ADAMTS17: variants seen among roughly 807,000 people sequenced by gnomAD.
The protein encoded by ADAMTS17 is A disintegrin and metalloproteinase with thrombospondin motifs 17.
In ADAMTS17, 113 loss-of-function variants were observed where a neutral mutation model predicts 141.5. That is an observed-to-expected ratio of 0.80 (90% CI 0.69 to 0.93). The LOEUF is 0.93. Among genes scored for constraint, ADAMTS17 ranks in the 40% least tolerant of loss-of-function variants. The probability of loss-of-function intolerance (pLI) is 0.00; values close to 1 mark genes in which losing one functional copy is unlikely to be tolerated. For missense variants in ADAMTS17, 1,659 were observed against 1,517.9 expected, an observed-to-expected ratio of 1.09 and a Z score of -1.54; for synonymous variants, 768 against 630.6, an observed-to-expected ratio of 1.22 and a Z score of -3.27.
At chr15:100,035,058 A>G (rs924092047) in intron 18 of ADAMTS17, among the ~76,000 whole-genome samples, 1 of 152,202 alleles carries the variant, frequency 6.6e-6, no homozygotes, top group Non-Finnish European at 1.5e-5. Context: ...GTCATACTCC[A>G]TGGGGAAAAC....
chr15:100,086,606 C>A (rs113918134), intron 15 of ADAMTS17, among the ~76,000 whole-genome samples: 49,782 of 151,922 alleles, frequency 0.33, 10,449 homozygotes, highest in East Asian at 0.58. Context: ...GTGAAGTACT[C>A]CTCAGCAAAT....
At chr15:100,062,617 T>C (rs750276201) in intron 15 of ADAMTS17, among the ~76,000 whole-genome samples, 47 of 152,214 alleles carry the variant, frequency 3.1e-4, no homozygotes, top group Non-Finnish European at 4.6e-4. Context: ...TAGACAAAGA[T>C]GTCATTTTAA....
At chr15:100,284,895 G>A (rs1353354555) in intron 3 of ADAMTS17, among the ~76,000 whole-genome samples, 5 of 152,204 alleles carry the variant, frequency 3.3e-5, no homozygotes, top group Admixed American at 6.5e-5. Flanking sequence ...GTGGGTGGGC[G>A]TGTGGCCAGC....
At chr15:100,198,174 A>T (rs1474177785) in intron 8 of ADAMTS17, among the ~76,000 whole-genome samples, 8 of 152,218 alleles carry the variant, frequency 5.3e-5, no homozygotes, top group African/African-American at 1.9e-4. Context: ...GAGTAGAATT[A>T]AAAACAAAAA....
At chr15:100,238,804 G>C (rs1332329983) in intron 7 of ADAMTS17, among the ~76,000 whole-genome samples, 2 of 152,204 alleles carry the variant, frequency 1.3e-5, no homozygotes, top group Non-Finnish European at 2.9e-5. Context: ...AGCGAGAAAG[G>C]CAGGGCGTGG....
intron 4 of ADAMTS17, among the ~76,000 whole-genome samples, chr15:100,276,675 C>A (rs2044108353): frequency 6.6e-6 from 1 of 152,086 alleles, no homozygotes; most frequent in Non-Finnish European, 1.5e-5. Context: ...CATCCCACAG[C>A]CCCACAGAAA....
chr15:100,340,710 G>T (rs1352008955), intron 2 of ADAMTS17, among the ~76,000 whole-genome samples: 1 of 152,140 alleles, frequency 6.6e-6, no homozygotes, highest in Admixed American at 6.5e-5. Flanking sequence ...GGGCCAAGGC[G>T]CCTCTGTCCA....
At chr15:100,134,766 T>C (rs766072697) in intron 10 of ADAMTS17, among the ~76,000 whole-genome samples, 12 of 152,336 alleles carry the variant, frequency 7.9e-5, no homozygotes, top group Non-Finnish European at 1.8e-4. Flanking sequence ...CTCCTTCTCA[T>C]TTTTCACGTA....
chr15:100,147,226 C>T (rs2038951226), intron 10 of ADAMTS17, among the ~76,000 whole-genome samples: 1 of 152,102 alleles, frequency 6.6e-6, no homozygotes, highest in Admixed American at 6.5e-5. Context: ...CTCTTTTGTA[C>T]TCTGTCCCCT....
At chr15:100,300,483 T>G (rs2044991684) in intron 3 of ADAMTS17, among the ~76,000 whole-genome samples, 1 of 152,170 alleles carries the variant, frequency 6.6e-6, no homozygotes, top group Admixed American at 6.5e-5. Context: ...TACTCCCAAC[T>G]TTCCAATGCC....
chr15:100,104,379 T>C, intron 14 of ADAMTS17, among the ~76,000 whole-genome samples: 1 of 152,332 alleles, frequency 6.6e-6, no homozygotes, highest in African/African-American at 2.4e-5. Context: ...GCATGTTAAA[T>C]AATTTGTGAC....
chr15:100,091,028 A>AAAAAAAAAAAAAAT, intron 15 of ADAMTS17, among the ~76,000 whole-genome samples: 1 of 143,696 alleles, frequency 7.0e-6, no homozygotes, highest in East Asian at 2.1e-4. Context: ...AAAAAAAAAA[A>AAAAAAAAAAAAAAT]GGGTAACCAA....
intron 18 of ADAMTS17, among the ~76,000 whole-genome samples, chr15:100,023,006 A>G (rs1350897306): frequency 1.3e-5 from 2 of 152,100 alleles, no homozygotes; most frequent in Admixed American, 6.5e-5. Flanking sequence ...ACAGTTTCCT[A>G]AAGGTCTGCT....
intron 7 of ADAMTS17, among the ~76,000 whole-genome samples, chr15:100,249,722 G>C (rs188617543): frequency 6.6e-6 from 1 of 152,366 alleles, no homozygotes; most frequent in Admixed American, 6.5e-5. Flanking sequence ...AGACTGGGCA[G>C]TGGAGACAAA....
rs12440706 is a variant in ADAMTS17 at position 99,972,623 on chromosome 15, A to G, written c.*1779T>C. 37,811 of 152,142 alleles carry G rather than the reference A, an allele frequency of 0.25. 5,466 individuals carry two copies. Among genetic ancestry groups the G allele is most frequent in the Non-Finnish European group, 0.32 (21,625 of 67,966 alleles). 9.4% of individuals were successfully genotyped at this position (152,142 alleles called of 1,614,324 possible). On this transcript the variant is annotated 3_prime_UTR_variant, in exon 22 of 22. Transcript: ENST00000268070. ...GGCCAGGCCTGAAGGGGAGGACAGC[A>G]GTCTGCGCAGGCCGCGGGGCGAGGG...
chr15:100,309,543 G>C (rs988439849), intron 3 of ADAMTS17, among the ~76,000 whole-genome samples: 1 of 152,168 alleles, frequency 6.6e-6, no homozygotes, highest in Admixed American at 6.5e-5. Flanking sequence ...CCTGGCTGCC[G>C]CAGAGTCCTC....
chr15:100,109,983 C>G (rs1278070246), intron 13 of ADAMTS17, among the ~76,000 whole-genome samples: 1 of 151,792 alleles, frequency 6.6e-6, no homozygotes, highest in East Asian at 1.9e-4. Context: ...TTGGGCACCT[C>G]CCATATCTGA....
intron 10 of ADAMTS17, among the ~76,000 whole-genome samples, chr15:100,143,631 T>C (rs746582105): frequency 1.6e-4 from 24 of 152,256 alleles, no homozygotes; most frequent in Non-Finnish European, 2.9e-4. Flanking sequence ...CATATTTCCA[T>C]AGACAGCTTT....
chr15:100,146,665 C>A (rs906317699), intron 10 of ADAMTS17, among the ~76,000 whole-genome samples: 2 of 152,222 alleles, frequency 1.3e-5, no homozygotes, highest in Admixed American at 6.5e-5. Flanking sequence ...GTGAGCCAGG[C>A]GGAACAGAGC....
Sources: gnomAD v4.1 joint callset for allele counts (sites outside exome capture counted in the v4.1 genomes callset) on GRCh38, gnomAD v4.1.1 for gene constraint, MANE v1.5 for transcripts, NCBI Gene and HGNC (gene_info 2026-07-23, HGNC 2026-07-21) for gene names.